Variants in MAML3 observed in about 807,000 individuals in gnomAD.
MAML3 encodes mastermind-like protein 3.
A neutral mutation model predicts 101.9 loss-of-function variants in MAML3; 27 were observed. The observed-to-expected ratio is 0.27, with a 90% CI of 0.20 to 0.37. The LOEUF is 0.37. Ranked by LOEUF, MAML3 falls within the 10% of genes least tolerant of loss-of-function variation. The pLI, the probability that MAML3 is intolerant of heterozygous loss-of-function variation, is 1.00. For missense variants in MAML3, 1,316 were observed against 1,444.9 expected, an observed-to-expected ratio of 0.91 and a Z score of 1.45; for synonymous variants, 501 against 555.9, an observed-to-expected ratio of 0.90 and a Z score of 1.39.
At chr4:139,878,277 T>A (rs1185896266) in intron 2 of MAML3, among the ~76,000 whole-genome samples, 1 of 152,168 alleles carries the variant, frequency 6.6e-6, no homozygotes, top group East Asian at 1.9e-4. Flanking sequence ...GCTGCTCTTG[T>A]CTTCTCCAGG....
chr4:139,794,711 C>T (rs1237520248), intron 2 of MAML3, among the ~76,000 whole-genome samples: 3 of 152,352 alleles, frequency 2.0e-5, no homozygotes, highest in South Asian at 2.1e-4. Context: ...TGTGTTGTGG[C>T]TAAAATGTAG....
intron 2 of MAML3, among the ~76,000 whole-genome samples, chr4:139,888,963 C>A (rs1022415566): frequency 2.6e-5 from 4 of 152,106 alleles, no homozygotes; most frequent in African/African-American, 9.7e-5. Flanking sequence ...TTGTAGACAG[C>A]CCTGAATGTC....
At chr4:139,745,378 A>G (rs1172144149) in intron 2 of MAML3, among the ~76,000 whole-genome samples, 1 of 152,214 alleles carries the variant, frequency 6.6e-6, no homozygotes, top group Admixed American at 6.5e-5. Context: ...AGCTAGTGTC[A>G]GATTAGAACA....
At chr4:139,764,340 C>T (rs1729811874) in intron 2 of MAML3, among the ~76,000 whole-genome samples, 1 of 152,350 alleles carries the variant, frequency 6.6e-6, no homozygotes, top group Non-Finnish European at 1.5e-5. Flanking sequence ...TCCCTACTTA[C>T]TCCTGTGCAC....
intron 1 of MAML3, among the ~76,000 whole-genome samples, chr4:140,116,667 T>C (rs755165666): frequency 6.6e-6 from 1 of 152,158 alleles, no homozygotes; most frequent in African/African-American, 2.4e-5. Context: ...ACGAAACCAT[T>C]AAGGCTGGTG....
chr4:140,000,964 G>A (rs996525734), intron 1 of MAML3, among the ~76,000 whole-genome samples: 3 of 152,076 alleles, frequency 2.0e-5, no homozygotes, highest in Middle Eastern at 3.2e-3. Context: ...GGAGGTGGAC[G>A]TTGTGGTGAG....
intron 1 of MAML3, among the ~76,000 whole-genome samples, chr4:139,920,309 T>A (rs1419989388): frequency 6.6e-6 from 1 of 152,224 alleles, no homozygotes; most frequent in Non-Finnish European, 1.5e-5. Context: ...GCCCTGTCAC[T>A]TTATATGATA....
chr4:139,913,491 A>C (rs1360785701), intron 1 of MAML3, among the ~76,000 whole-genome samples: 1 of 152,150 alleles, frequency 6.6e-6, no homozygotes, highest in African/African-American at 2.4e-5. Context: ...TTATTTTCCT[A>C]CTTTTACACT....
chr4:140,092,545 G>A (rs1728078292), intron 1 of MAML3, among the ~76,000 whole-genome samples: 2 of 152,080 alleles, frequency 1.3e-5, no homozygotes, highest in Admixed American at 1.3e-4. Context: ...AGCAGTAATT[G>A]TCACTTAGCC....
chr4:139,868,051 TTG>T (rs1731934044), intron 2 of MAML3, among the ~76,000 whole-genome samples: 1 of 152,250 alleles, frequency 6.6e-6, no homozygotes, highest in South Asian at 2.1e-4. Context: ...GTACCTAGGG[TTG>T]TGTTAGGCAC....
intron 1 of MAML3, among the ~76,000 whole-genome samples, chr4:140,151,186 G>A: frequency 6.6e-6 from 1 of 152,084 alleles, no homozygotes; most frequent in East Asian, 1.9e-4. Flanking sequence ...GGGCAAGAGT[G>A]GCTGGAGGAG....
chr4:140,153,449 A>T lies in MAML3; in HGVS notation c.-122T>A. 8.8e-6 allele frequency: 9 copies of T among 1,018,814 alleles called. No individual in the cohort carries two copies. The highest frequency in any genetic ancestry group is 1.7e-5 in the African/African-American group (1 of 58,132). The allele number at this position is 1,018,814 out of a possible 1,614,324, so 63.1% of individuals were successfully genotyped here. On this transcript the variant is annotated 5_prime_UTR_variant, in exon 1 of 5. Transcript: ENST00000509479. ...ACGCGGGGGAGACGCAAGCACATGGATGGAAACGGCGATCCCGACGGGGCG... is the reference window on the plus strand; with the variant it reads ...ACGCGGGGGAGACGCAAGCACATGGTTGGAAACGGCGATCCCGACGGGGCG...
intron 2 of MAML3, among the ~76,000 whole-genome samples, chr4:139,782,464 G>C (rs1730235082): frequency 1.3e-5 from 2 of 152,156 alleles, no homozygotes; most frequent in Admixed American, 1.3e-4. Flanking sequence ...ACTGTGCTGG[G>C]ACTGACTTTT....
At chr4:139,974,558 G>A (rs1406138735) in intron 1 of MAML3, among the ~76,000 whole-genome samples, 2 of 152,088 alleles carry the variant, frequency 1.3e-5, no homozygotes, top group African/African-American at 2.4e-5. Context: ...CTAGTTGAGC[G>A]AATTTGGCAA....
intron 1 of MAML3, among the ~76,000 whole-genome samples, chr4:140,015,139 T>C: frequency 6.6e-6 from 1 of 152,208 alleles, no homozygotes; most frequent in East Asian, 1.9e-4. Context: ...CCTGTAAGCA[T>C]ACATTATTTT....
intron 1 of MAML3, among the ~76,000 whole-genome samples, chr4:139,935,961 T>C (rs1265928851): frequency 1.3e-5 from 2 of 152,208 alleles, no homozygotes; most frequent in South Asian, 2.1e-4. Flanking sequence ...AGTTACCATA[T>C]TGTACATTAT....
intron 1 of MAML3, among the ~76,000 whole-genome samples, chr4:140,004,424 CT>C (rs1726407143): frequency 6.6e-6 from 1 of 152,176 alleles, no homozygotes; most frequent in Non-Finnish European, 1.5e-5. Flanking sequence ...GGCATCGCAT[CT>C]TGTTTCCTCA....
intron 1 of MAML3, among the ~76,000 whole-genome samples, chr4:139,892,662 TGTCTTTAGGTTAAA>T (rs1732524008): frequency 1.3e-5 from 2 of 151,632 alleles, no homozygotes; most frequent in South Asian, 4.2e-4. Flanking sequence ...TGATTTCCAC[TGTCTTTAGGTTAAA>T]GTCCAAATCG....
At chr4:140,134,652 A>G in intron 1 of MAML3, 1 of 270,788 alleles carries the variant, frequency 3.7e-6, no homozygotes, top group South Asian at 3.8e-5. Context: ...TTTTTCCAGT[A>G]GATTTTGGCC....
Sources: allele counts gnomAD v4.1 joint callset (sites outside exome capture counted in the v4.1 genomes callset), GRCh38; gene constraint gnomAD v4.1.1; transcripts MANE v1.5; gene names NCBI Gene and HGNC (gene_info 2026-07-23, HGNC 2026-07-21).